TJP2: variants seen among roughly 807,000 people sequenced by gnomAD.
The protein encoded by TJP2 is tight junction protein 2.
A neutral mutation model predicts 133.1 loss-of-function variants in TJP2; 91 were observed. That is an observed-to-expected ratio of 0.68 (90% CI 0.58 to 0.81). The LOEUF is 0.81. TJP2 is among the 40% of genes least tolerant of loss of function. TJP2 has a pLI of 0.00. For synonymous variants in TJP2, 592 were observed against 583.4 expected (o/e 1.01, Z -0.21); for missense variants, 1,541 against 1,565.6 (o/e 0.98, Z 0.26).
chr9:69,132,250 G>A (rs1434085165), intron 1 of TJP2, among the ~76,000 whole-genome samples: 3 of 152,236 alleles, frequency 2.0e-5, no homozygotes, highest in Non-Finnish European at 1.5e-5. Flanking sequence ...CCACATGGTT[G>A]TACAGTTTAA....
intron 1 of TJP2, among the ~76,000 whole-genome samples, chr9:69,202,568 G>A (rs1423109623): frequency 6.6e-6 from 1 of 152,136 alleles, no homozygotes; most frequent in East Asian, 1.9e-4. Context: ...GTCAATGAAC[G>A]CATTTTATAT....
chr9:69,138,217 C>T (rs781562462), intron 1 of TJP2, among the ~76,000 whole-genome samples: 3 of 152,164 alleles, frequency 2.0e-5, no homozygotes, highest in Non-Finnish European at 2.9e-5. Flanking sequence ...TTTGTTTGCT[C>T]ATAATAGTTA....
chr9:69,130,509 A>G (rs1822447292), intron 1 of TJP2, among the ~76,000 whole-genome samples: 1 of 152,068 alleles, frequency 6.6e-6, no homozygotes, highest in Non-Finnish European at 1.5e-5. Context: ...GGGGCTCAAG[A>G]ATCTGTGTCT....
chr9:69,175,485 A>G (rs770316929), intron 1 of TJP2, among the ~76,000 whole-genome samples: 1 of 152,256 alleles, frequency 6.6e-6, no homozygotes, highest in Admixed American at 6.5e-5. Context: ...ACACCTGGGC[A>G]GGAGATCGCT....
chr9:69,168,523 G>A (rs1440167188), intron 2 of TJP2, among the ~76,000 whole-genome samples: 2 of 152,126 alleles, frequency 1.3e-5, no homozygotes, highest in Non-Finnish European at 2.9e-5. Context: ...GGCAGGACGC[G>A]GTGGCTCATG....
At chr9:69,233,799 T>C (rs1258962472) in intron 11 of TJP2, among the ~76,000 whole-genome samples, 2 of 152,028 alleles carry the variant, frequency 1.3e-5, no homozygotes, top group Non-Finnish European at 2.9e-5. Flanking sequence ...CACATAGCAC[T>C]ATGATTTCAA....
intron 2 of TJP2, among the ~76,000 whole-genome samples, chr9:69,168,742 C>T (rs1824500440): frequency 1.3e-5 from 2 of 150,412 alleles, no homozygotes; most frequent in South Asian, 4.2e-4. Context: ...TTGCAGTGAG[C>T]TAAGACGGCG....
chr9:69,238,652 T>G, intron 15 of TJP2, 58 bp from the exon 16 acceptor site: 1 of 1,355,090 alleles, frequency 7.4e-7, no homozygotes, highest in Non-Finnish European at 1.0e-6. Context: ...TAGGTGGGAG[T>G]ATTTGGTTGT....
chr9:69,151,329 A>G (rs1823464515), intron 1 of TJP2, among the ~76,000 whole-genome samples: 1 of 152,084 alleles, frequency 6.6e-6, no homozygotes, highest in African/African-American at 2.4e-5. Flanking sequence ...TAAAAATACA[A>G]AATTAGCCGG....
intron 2 of TJP2, among the ~76,000 whole-genome samples, chr9:69,153,916 AT>A (rs969396943): frequency 1.3e-5 from 2 of 152,134 alleles, no homozygotes; most frequent in East Asian, 3.9e-4. Flanking sequence ...AGTGATGTGG[AT>A]TTTTTTCCCA....
At chr9:69,224,612 G>A (rs1287893856) in intron 5 of TJP2, among the ~76,000 whole-genome samples, 1 of 152,152 alleles carries the variant, frequency 6.6e-6, no homozygotes, top group Non-Finnish European at 1.5e-5. Context: ...GGGAGGCAGA[G>A]GTTGCAGTGA....
chr9:69,174,182 G>C (rs1824869550), upstream of TJP2: 3 of 1,306,174 alleles, frequency 2.3e-6, no homozygotes, highest in Non-Finnish European at 2.9e-6. Flanking sequence ...CGCCACGCTC[G>C]GGTCGGGGGC....
intron 1 of TJP2, among the ~76,000 whole-genome samples, chr9:69,202,455 G>C (rs1026365763): frequency 6.6e-6 from 1 of 152,152 alleles, no homozygotes; most frequent in African/African-American, 2.4e-5. Context: ...GAGGTTAGGA[G>C]TGCCGACCCT....
upstream of TJP2, chr9:69,174,168 G>T: frequency 2.3e-6 from 3 of 1,291,260 alleles, no homozygotes; most frequent in Admixed American, 4.2e-5. Flanking sequence ...GGCCAGCGCG[G>T]AGGCGCCACG....
intron 15 of TJP2, among the ~76,000 whole-genome samples, 164 bp downstream of exon 15, chr9:69,238,137 C>T (rs2133395392): frequency 6.6e-6 from 1 of 152,300 alleles, no homozygotes. Context: ...ACCATAGACA[C>T]ACATACACAC....
intron 9 of TJP2, 59 bp from the exon 10 acceptor site, chr9:69,229,125 T>C (rs1322777988): frequency 4.0e-6 from 6 of 1,510,124 alleles, no homozygotes; most frequent in Non-Finnish European, 5.5e-6. Context: ...GATTTTTCTA[T>C]TTAGAAACGC....
At chr9:69,244,433 A>G (rs911395175) in intron 17 of TJP2, among the ~76,000 whole-genome samples, 2 of 152,058 alleles carry the variant, frequency 1.3e-5, no homozygotes, top group African/African-American at 4.8e-5. Flanking sequence ...AGCACTGACC[A>G]TACATGTCAG....
At chr9:69,142,734 G>A (rs559776957) in intron 1 of TJP2, among the ~76,000 whole-genome samples, 2 of 152,326 alleles carry the variant, frequency 1.3e-5, no homozygotes, top group East Asian at 3.9e-4. Flanking sequence ...GAAAGGAAAT[G>A]TCAGTCTGAT....
At chr9:69,225,717 G>A (rs1588107316) in intron 6 of TJP2, among the ~76,000 whole-genome samples, 1 of 152,288 alleles carries the variant, frequency 6.6e-6, no homozygotes, top group Non-Finnish European at 1.5e-5. Context: ...ATATATGAAT[G>A]CTGAATATTT....
Sources: allele counts gnomAD v4.1 joint callset (sites outside exome capture counted in the v4.1 genomes callset), GRCh38; gene constraint gnomAD v4.1.1; transcripts MANE v1.5; gene names NCBI Gene and HGNC (gene_info 2026-07-23, HGNC 2026-07-21).